The following MAP3K3 variants were observed in gnomAD, a reference collection of about 807,000 sequenced individuals.
MAP3K3 encodes the protein mitogen-activated protein kinase kinase kinase 3.
Under a neutral mutation model 80.9 loss-of-function variants are expected in MAP3K3, and 12 were observed. The ratio of observed to expected loss-of-function variants is 0.15; its 90% CI spans 0.10 to 0.24. The LOEUF (loss-of-function observed/expected upper bound fraction) is 0.24. MAP3K3 is among the 10% of genes least tolerant of loss of function. The pLI is 1.00. For synonymous variants in MAP3K3, 272 were observed against 307.1 expected, an observed-to-expected ratio of 0.89 and a Z score of 1.19; for missense variants, 596 against 834.7, an observed-to-expected ratio of 0.71 and a Z score of 3.52.
At chr17:63,690,094 G>C (rs561142724) in intron 11 of MAP3K3, 170 bp from the exon 12 acceptor site, 1 of 719,936 alleles carries the variant, frequency 1.4e-6, no homozygotes, top group Non-Finnish European at 2.3e-6. Flanking sequence ...CTTCAGGTCC[G>C]AGTGACTAGG....
rs1175209772 is a variant in MAP3K3 at position 63,622,591 on chromosome 17, C to G, written c.-169C>G. The G allele has an allele frequency of 6.4e-6, 1 of 155,602 alleles. No homozygotes were observed. Among genetic ancestry groups the G allele is most frequent in the African/African-American group, 2.5e-5 (1 of 40,612 alleles). The allele number at this position is 155,602 out of a possible 1,614,324, so 9.6% of individuals were successfully genotyped here. The stretch of plus-strand genomic sequence containing the variant: ...CGATGCCACAGCGCCCGGCCGCGGG[C>G]GGAGCCGGAGCCGGAGCCTGGGGAG... On this transcript the variant is annotated 5_prime_UTR_variant, in exon 1 of 16. Coordinates refer to ENST00000361733, the MANE Select transcript of MAP3K3 (RefSeq NM_002401.5).
At chr17:63,682,613 G>A (rs1332048290) in intron 7 of MAP3K3, 2 of 152,188 alleles carry the variant, frequency 1.3e-5, no homozygotes, top group East Asian at 3.9e-4. Context: ...TGTGGCTGTA[G>A]GACTGTGGTT....
At chr17:63,661,035 C>T (rs922374071) in intron 5 of MAP3K3, among the ~76,000 whole-genome samples, 2 of 152,220 alleles carry the variant, frequency 1.3e-5, no homozygotes, top group African/African-American at 4.8e-5. Context: ...CTTGAGAACT[C>T]CTGAGTTTTG....
rs1024879708 is a variant in MAP3K3 at position 63,694,676 on chromosome 17, A to C, written c.*899A>C. The C allele has an allele frequency of 1.3e-5, 2 of 152,634 alleles. No individual in the cohort carries two copies. The highest frequency in any genetic ancestry group is 4.8e-5 in the African/African-American group (2 of 41,422). 9.5% of individuals were successfully genotyped at this position (152,634 alleles called of 1,614,324 possible). On this transcript the variant is annotated 3_prime_UTR_variant, in exon 16 of 16. Transcript: ENST00000361733. ...GTTCCCCACTGGAGCAGAAGGGGAG[A>C]TGGACGACACGGTCGGGGCATCTGG...
At chr17:63,650,656 TATAGAG>T (rs1307286583) in intron 3 of MAP3K3, among the ~76,000 whole-genome samples, 1 of 122,156 alleles carries the variant, frequency 8.2e-6, no homozygotes, top group South Asian at 2.5e-4. Context: ...CTCTGTCTCT[TATAGAG>T]AGAGAGAGAG....
At chr17:63,663,745 A>G (rs2034942195) in intron 5 of MAP3K3, among the ~76,000 whole-genome samples, 1 of 152,096 alleles carries the variant, frequency 6.6e-6, no homozygotes, top group African/African-American at 2.4e-5. Flanking sequence ...AAAGTTTTAA[A>G]ATCAGTCGTG....
chr17:63,688,331 G>A, intron 8 of MAP3K3, 196 bp from the exon 9 acceptor site: 3 of 611,984 alleles, frequency 4.9e-6, no homozygotes, highest in Admixed American at 2.6e-5. Flanking sequence ...TCAGGGTGCT[G>A]TCAAATTTGG....
At position 63,689,510 on chromosome 17, in the gene MAP3K3, G is replaced by T; in HGVS notation, c.872-34G>T. ...CGTTCCGCCTCGTAGCCTGGGGTGT[G>T]ACTTGCTCTCCTCTGGCCCTTGCAC... On this transcript the variant is annotated intron_variant, in intron 10 of 15. Coordinates refer to ENST00000361733, the MANE Select transcript of MAP3K3 (RefSeq NM_002401.5). This position sits in a 1 kb window ranked among gnomAD's most constrained non-coding sequence, Gnocchi z 4.3. 1.3e-6 allele frequency: 2 copies of T among 1,586,674 alleles called. No individual in the cohort carries two copies. Among genetic ancestry groups the T allele is most frequent in the South Asian group, 1.1e-5 (1 of 87,816 alleles).
At chr17:63,637,582 T>G (rs1184812138) in intron 2 of MAP3K3, among the ~76,000 whole-genome samples, 1 of 152,252 alleles carries the variant, frequency 6.6e-6, no homozygotes, top group Non-Finnish European at 1.5e-5. Context: ...ATGTCACTTC[T>G]TATGTTCTGG....
intron 7 of MAP3K3, 139 bp downstream of exon 7, chr17:63,682,038 C>G (rs543478390): frequency 6.0e-4 from 418 of 694,930 alleles, no homozygotes; most frequent in Non-Finnish European, 7.9e-4. Context: ...CAGGCCTGCC[C>G]AAATATGGAT....
chr17:63,674,921 A>G (rs1444399997), intron 6 of MAP3K3, among the ~76,000 whole-genome samples: 3 of 152,218 alleles, frequency 2.0e-5, no homozygotes, highest in African/African-American at 7.2e-5. Context: ...ACTGGGCAGT[A>G]AACAGAGAGC....
intron 3 of MAP3K3, among the ~76,000 whole-genome samples, chr17:63,652,206 G>C (rs2034670248): frequency 6.6e-6 from 1 of 152,002 alleles, no homozygotes; most frequent in African/African-American, 2.4e-5. Context: ...AACAGCCCCA[G>C]TGTGTATTGT....
In MAP3K3 at chr17:63,660,916, T is replaced by C. The variant is rs537915741; in HGVS notation, c.381+3009T>C. Among the ~76,000 whole-genome samples the C allele has an allele frequency of 3.3e-5, 5 of 152,016 alleles. No homozygotes were observed. The South Asian group carries it at 6.2e-4, about 19-fold the overall frequency. ...CCGCCTTGGATTCTTCTGATCCCTATATGGCAGCTTCTAATTTTCCTTCTG... is the reference window on the plus strand; with the variant it reads ...CCGCCTTGGATTCTTCTGATCCCTACATGGCAGCTTCTAATTTTCCTTCTG... On this transcript the variant is annotated intron_variant, in intron 5 of 15. Coordinates refer to ENST00000361733, the MANE Select transcript of MAP3K3 (RefSeq NM_002401.5).
intron 2 of MAP3K3, among the ~76,000 whole-genome samples, chr17:63,645,097 C>A (rs1335940508): frequency 6.6e-6 from 1 of 152,172 alleles, no homozygotes; most frequent in Non-Finnish European, 1.5e-5. Context: ...TACTTCTGTT[C>A]TTCAATTCAT....
At chr17:63,667,509 G>C (rs1382219291) in intron 6 of MAP3K3, among the ~76,000 whole-genome samples, 2 of 152,164 alleles carry the variant, frequency 1.3e-5, no homozygotes, top group Non-Finnish European at 2.9e-5. Flanking sequence ...ACTTTTGAGA[G>C]AGTCAAGCTA....
chr17:63,663,789 G>T (rs1484585112), intron 5 of MAP3K3, among the ~76,000 whole-genome samples: 1 of 152,174 alleles, frequency 6.6e-6, no homozygotes, highest in Non-Finnish European at 1.5e-5. Flanking sequence ...CTACCTGGGA[G>T]GCTGAGGCGG....
Position 63,693,526 on chromosome 17 carries a change from G to T in MAP3K3, c.1653-23G>T. The T allele has an allele frequency of 6.3e-7, 1 of 1,587,714 alleles. No homozygotes were observed. ...GGGAGTCCAGGGCTGGCTGAGGGGT[G>T]ACACGGGGTTCTCTCTTTCCAGGAG... On this transcript the variant is annotated intron_variant, in intron 15 of 15. Transcript: ENST00000361733. The surrounding 1 kb of genome is among the most constrained non-coding windows in gnomAD (Gnocchi z 4.2).
chr17:63,632,656 G>T, intron 1 of MAP3K3, 25 bp from the exon 2 acceptor site: 1 of 1,613,148 alleles, frequency 6.2e-7, no homozygotes, highest in South Asian at 1.1e-5. Flanking sequence ...AAGTGTCTTA[G>T]TCCATGTGCT....
chr17:63,662,814 C>T (rs1460654296), intron 5 of MAP3K3, among the ~76,000 whole-genome samples: 1 of 150,858 alleles, frequency 6.6e-6, no homozygotes, highest in Non-Finnish European at 1.5e-5. Flanking sequence ...TGCGCCACTA[C>T]GCCCGGTTAA....
Sources: allele counts gnomAD v4.1 joint callset (sites outside exome capture counted in the v4.1 genomes callset), GRCh38; gene constraint gnomAD v4.1.1; non-coding constraint Gnocchi (gnomAD v3.1); transcripts MANE v1.5; gene names NCBI Gene and HGNC (gene_info 2026-07-23, HGNC 2026-07-21).